Variants in BLM observed in about 807,000 individuals in gnomAD.
BLM encodes BLM RecQ like helicase, also known as recQ-like DNA helicase BLM.
A neutral mutation model predicts 135.3 loss-of-function variants in BLM; 95 were observed. The ratio of observed to expected loss-of-function variants is 0.70; its 90% CI spans 0.59 to 0.83. The LOEUF is 0.83. Ranked by LOEUF, BLM falls within the 40% of genes least tolerant of loss-of-function variation. The probability of loss-of-function intolerance (pLI) is 0.00; values close to 1 mark genes in which losing one functional copy is unlikely to be tolerated. For missense variants in BLM, 1,518 were observed against 1,663.9 expected, an observed-to-expected ratio of 0.91 and a Z score of 1.53; for synonymous variants, 520 against 589.2, an observed-to-expected ratio of 0.88 and a Z score of 1.70.
chr15:90,792,576 A>G (rs17273528), intron 15 of BLM, among the ~76,000 whole-genome samples: 26,247 of 152,136 alleles, frequency 0.17, 2,375 homozygotes, highest in African/African-American at 0.19. Flanking sequence ...AGGTTTTGTA[A>G]CTTTTCCCCA....
At chr15:90,812,445 T>G (rs1313566273) in intron 21 of BLM, among the ~76,000 whole-genome samples, 1 of 152,206 alleles carries the variant, frequency 6.6e-6, no homozygotes, top group Non-Finnish European at 1.5e-5. Context: ...ATATGTGTGA[T>G]GATCTTGGCA....
intron 1 of BLM, among the ~76,000 whole-genome samples, chr15:90,740,011 C>G (rs556278325): frequency 2.6e-5 from 4 of 152,152 alleles, no homozygotes; most frequent in African/African-American, 7.2e-5. Context: ...GCGATCCCCC[C>G]GCCTCAGCCT....
chr15:90,802,876 C>T (rs1461588172), intron 17 of BLM, among the ~76,000 whole-genome samples: 1 of 152,136 alleles, frequency 6.6e-6, no homozygotes, highest in Non-Finnish European at 1.5e-5. Flanking sequence ...GCCCATTCTC[C>T]ATGATGTGCT....
At chr15:90,731,070 G>A (rs1177349177) in intron 1 of BLM, among the ~76,000 whole-genome samples, 1 of 152,034 alleles carries the variant, frequency 6.6e-6, no homozygotes, top group Non-Finnish European at 1.5e-5. Flanking sequence ...TTCCCAAGTA[G>A]CTGGGACTAT....
At chr15:90,802,330 A>G (rs1897183722) in intron 17 of BLM, among the ~76,000 whole-genome samples, 1 of 152,264 alleles carries the variant, frequency 6.6e-6, no homozygotes, top group South Asian at 2.1e-4. Flanking sequence ...TAAATGTCAC[A>G]AGGTCTCTTA....
chr15:90,773,950 A>G (rs552532747), intron 12 of BLM, among the ~76,000 whole-genome samples: 1 of 150,776 alleles, frequency 6.6e-6, no homozygotes, highest in Non-Finnish European at 1.5e-5. Flanking sequence ...ACATTTGTGT[A>G]GAAGTTGTTC....
At position 90,815,071 on chromosome 15, in the gene BLM, C is replaced by T; in HGVS notation, c.4077-31C>T. On this transcript the variant is annotated intron_variant, in intron 21 of 21. Transcript: ENST00000355112. The surrounding 1 kb of genome is among the most constrained non-coding windows in gnomAD (Gnocchi z 4.6). ...GTCATTCATTTTTGGTTTCATTTAA[C>T]ATTTTGATTTTTTTCTTTGTCACAT... 1.9e-6 allele frequency: 3 copies of T among 1,611,268 alleles called. No homozygotes were observed. Among genetic ancestry groups the T allele is most frequent in the Non-Finnish European group, 2.5e-6 (3 of 1,179,076 alleles).
chr15:90,802,540 G>T (rs1475160934), intron 17 of BLM, among the ~76,000 whole-genome samples: 1 of 152,114 alleles, frequency 6.6e-6, no homozygotes, highest in African/African-American at 2.4e-5. Context: ...ATTTGAATAG[G>T]CTTCATTAGT....
At chr15:90,771,443 C>T (rs944404763) in intron 12 of BLM, among the ~76,000 whole-genome samples, 2 of 151,886 alleles carry the variant, frequency 1.3e-5, no homozygotes, top group Admixed American at 6.6e-5. Flanking sequence ...GCCAAGATCA[C>T]GCCACTGTAC....
At chr15:90,787,037 T>C (rs12906378) in intron 14 of BLM, among the ~76,000 whole-genome samples, 6 of 14,574 alleles carry the variant, frequency 4.1e-4, no homozygotes, top group Non-Finnish European at 9.3e-4. Flanking sequence ...TAGGCATCTC[T>C]TTTTTTTTTT....
chr15:90,765,215 T>A, intron 8 of BLM, 81 bp from the exon 9 acceptor site: 2 of 1,130,178 alleles, frequency 1.8e-6, no homozygotes. Flanking sequence ...GTCCTATTAA[T>A]GATATGATTT....
At chr15:90,790,930 C>T in intron 15 of BLM, 86 bp downstream of exon 15, 1 of 1,341,222 alleles carries the variant, frequency 7.5e-7, no homozygotes, top group Non-Finnish European at 1.1e-6. Flanking sequence ...ACTTCTGGTC[C>T]AGTTTTCCTT....
Position 90,749,411 on chromosome 15 carries a change from C to A in BLM, c.143C>A (p.Ser48Tyr). Residue 48 changes from serine to tyrosine, a missense_variant, in exon 3 of 22, where the codon TCT becomes TAT. Ser to Tyr is a moderately radical substitution (Grantham distance 144). Around this residue, in one of 5 missense-constraint regions of BLM, gnomAD observed 724 missense variants for 756.9 expected, o/e 0.96. Transcript: ENST00000355112. ...AAAACATCTTCAGATAACAATGTAT[C>A]TGTAACTAATGTGTCAGTAGCAAAA... Reference protein sequence around the residue: ...KKKTSSDNNVSVTNVSVAKTP... With the variant: ...KKKTSSDNNVYVTNVSVAKTP... The A allele has an allele frequency of 6.2e-7, 1 of 1,609,278 alleles. No individual in the cohort carries two copies. The highest frequency in any genetic ancestry group is 8.5e-7 in the Non-Finnish European group (1 of 1,175,804).
chr15:90,803,546 A>C lies in BLM; in HGVS notation c.3384A>C (p.Ser1128=). 2 of 1,613,832 alleles carry C rather than the reference A, an allele frequency of 1.2e-6. No homozygotes were observed. The highest frequency in any genetic ancestry group is 1.7e-6 in the Non-Finnish European group (2 of 1,179,752). ...GGAGTAAGAGTGCAAAAATCCAGTC[A>C]GGTATATTTGGAAAAGGATCTGCTT... ...FLGSKSAKIQ[S]GIFGKGSAYS... Residue 1128 remains serine (S), a synonymous_variant, in exon 18 of 22, where the codon TCA becomes TCC. Transcript: ENST00000355112.
rs753652339 is a variant in BLM at position 90,794,248 on chromosome 15, C to T, written c.3101C>T (p.Thr1034Met). 5.0e-6 allele frequency: 8 copies of T among 1,605,562 alleles called. No homozygotes were observed. Among genetic ancestry groups the T allele is most frequent in the South Asian group, 3.4e-5 (3 of 89,482 alleles). The change falls in exon 16 of 22, where the codon ACG becomes ATG. Residue 1034 changes from threonine to methionine, a missense_variant. Coordinates refer to ENST00000355112, the MANE Select transcript of BLM (RefSeq NM_000057.4). ...YSMVHYCENI[T>M]ECRRIQLLAY... is the part of the protein sequence containing the mutation. ...ATGGTACATTACTGTGAAAATATAA[C>T]GGAATGCAGGAGAATACAGCTTTTG...
intron 1 of BLM, among the ~76,000 whole-genome samples, chr15:90,726,646 G>C (rs1894926078): frequency 6.6e-6 from 1 of 152,162 alleles, no homozygotes; most frequent in African/African-American, 2.4e-5. Context: ...ACTTCTATGA[G>C]AGCAACGATT....
chr15:90,775,006 T>G (rs1896436085), intron 12 of BLM, among the ~76,000 whole-genome samples: 2 of 152,166 alleles, frequency 1.3e-5, no homozygotes, highest in Admixed American at 1.3e-4. Context: ...TGATCTGAAC[T>G]GTGTGGATGA....
At chr15:90,721,707 C>T (rs58412245) in intron 1 of BLM, among the ~76,000 whole-genome samples, 4 of 150,870 alleles carry the variant, frequency 2.7e-5, no homozygotes, top group African/African-American at 7.3e-5. Flanking sequence ...CCTAGGTGGG[C>T]GGATCATGAG....
chr15:90,755,941 T>C (rs886600414), intron 5 of BLM, among the ~76,000 whole-genome samples: 5 of 152,144 alleles, frequency 3.3e-5, no homozygotes, highest in Non-Finnish European at 5.9e-5. Context: ...GTGTTCTCTG[T>C]GTGTTGTTTT....
Sources: allele counts gnomAD v4.1 joint callset (sites outside exome capture counted in the v4.1 genomes callset), GRCh38; gene constraint gnomAD v4.1.1; regional missense constraint gnomAD v4.1.1; non-coding constraint Gnocchi (gnomAD v3.1); transcripts MANE v1.5; gene names NCBI Gene and HGNC (gene_info 2026-07-23, HGNC 2026-07-21).